TUBGCP3: variants seen among roughly 807,000 people sequenced by gnomAD.
TUBGCP3 encodes the protein tubulin gamma complex component 3, also known as gamma-tubulin complex component 3.
A neutral mutation model predicts 123.1 loss-of-function variants in TUBGCP3; 50 were observed. That is an observed-to-expected ratio of 0.41 (90% CI 0.32 to 0.51). The LOEUF is 0.51. Ranked by LOEUF, TUBGCP3 falls within the 20% of genes least tolerant of loss-of-function variation. TUBGCP3 has a pLI of 0.36. For missense variants in TUBGCP3, 882 were observed against 1,127.0 expected (o/e 0.78, Z 3.11); for synonymous variants, 405 against 413.9 (o/e 0.98, Z 0.26).
intron 2 of TUBGCP3, among the ~76,000 whole-genome samples, chr13:112,568,358 G>A (rs1349002819): frequency 2.6e-5 from 4 of 151,130 alleles, no homozygotes; most frequent in South Asian, 4.2e-4. Flanking sequence ...AAGGCCAAAT[G>A]GGCTTCTAGA....
intron 17 of TUBGCP3, among the ~76,000 whole-genome samples, chr13:112,510,216 T>C (rs1252754944): frequency 6.6e-6 from 1 of 152,150 alleles, no homozygotes; most frequent in Admixed American, 6.5e-5. Context: ...AACTTCAAGT[T>C]TGACTCAAAC....
chr13:112,575,317 TCAGA>T (rs937268574), intron 1 of TUBGCP3, among the ~76,000 whole-genome samples: 3 of 152,342 alleles, frequency 2.0e-5, no homozygotes, highest in East Asian at 3.9e-4. Flanking sequence ...TACATTTCTA[TCAGA>T]CAAAGTAAAC....
chr13:112,605,381 A>G, the TUBGCP3 span: 1 of 150,998 alleles, frequency 6.6e-6, no homozygotes, highest in Non-Finnish European at 1.5e-5. Flanking sequence ...GCCCATCTGT[A>G]AAGTCATGAA....
intron 2 of TUBGCP3, among the ~76,000 whole-genome samples, chr13:112,566,892 G>T (rs183833378): frequency 1.3e-5 from 2 of 152,272 alleles, no homozygotes; most frequent in East Asian, 3.9e-4. Flanking sequence ...TTTGCAATTT[G>T]TTTCAATATA....
At chr13:112,593,293 C>G in the TUBGCP3 span, among the ~76,000 whole-genome samples, 1 of 152,296 alleles carries the variant, frequency 6.6e-6, no homozygotes, top group South Asian at 2.1e-4. Flanking sequence ...TTGTACGCAC[C>G]TGTAATCCCA....
At chr13:112,521,788 G>A in intron 14 of TUBGCP3, 1 of 985,368 alleles carries the variant, frequency 1.0e-6, no homozygotes, top group Non-Finnish European at 1.2e-6. Flanking sequence ...GCCTGGGCCG[G>A]GGTCTGCACT....
chr13:112,519,747 T>C lies in TUBGCP3; in HGVS notation c.1881+139A>G. The C allele has an allele frequency of 8.8e-7, 1 of 1,140,072 alleles. No homozygotes were observed. Among genetic ancestry groups the C allele is most frequent in the Non-Finnish European group, 1.2e-6 (1 of 846,246 alleles). 70.6% of individuals were successfully genotyped at this position (1,140,072 alleles called of 1,614,324 possible). On this transcript the variant is annotated intron_variant, in intron 15 of 21. Coordinates refer to ENST00000261965, the MANE Select transcript of TUBGCP3 (RefSeq NM_006322.6). This position sits in a 1 kb window ranked among gnomAD's most constrained non-coding sequence, Gnocchi z 6.2. ...GCAGTAACAAGCCACAGAGTGGAGT[T>C]CCTACTCAGGCTGCCCAGTTTCCAG...
At chr13:112,489,557 G>T (rs776254140) in intron 21 of TUBGCP3, 24 bp downstream of exon 21, 8 of 1,501,536 alleles carry the variant, frequency 5.3e-6, no homozygotes, top group Middle Eastern at 3.4e-4. Flanking sequence ...GGTGTGAAGA[G>T]CCACTCTGTA....
At chr13:112,529,438 A>T (rs966736945) in intron 11 of TUBGCP3, among the ~76,000 whole-genome samples, 3 of 152,234 alleles carry the variant, frequency 2.0e-5, no homozygotes, top group Admixed American at 2.0e-4. Flanking sequence ...ACATTCTCCA[A>T]TGATGACCAA....
At chr13:112,515,522 C>T (rs367818196) in intron 17 of TUBGCP3, among the ~76,000 whole-genome samples, 1 of 152,222 alleles carries the variant, frequency 6.6e-6, no homozygotes, top group Non-Finnish European at 1.5e-5. Flanking sequence ...GAGCCCCAGG[C>T]GTGCATGCAG....
chr13:112,505,410 G>A (rs1199035269), intron 17 of TUBGCP3, among the ~76,000 whole-genome samples: 1 of 152,266 alleles, frequency 6.6e-6, no homozygotes, highest in Non-Finnish European at 1.5e-5. Context: ...GCTTGGACAT[G>A]TTTTGTTACT....
intron 20 of TUBGCP3, among the ~76,000 whole-genome samples, chr13:112,494,800 C>T (rs184000480): frequency 6.6e-6 from 1 of 152,212 alleles, no homozygotes; most frequent in Admixed American, 6.5e-5. Flanking sequence ...TAGTTTTGAT[C>T]TGCATTTCTT....
chr13:112,552,683 C>T (rs867814376), intron 8 of TUBGCP3, among the ~76,000 whole-genome samples: 2 of 152,190 alleles, frequency 1.3e-5, no homozygotes, highest in African/African-American at 4.8e-5. Context: ...AAACCAGAAC[C>T]CTGGGCTGCC....
chr13:112,526,114 A>G (rs1877041984), intron 13 of TUBGCP3, among the ~76,000 whole-genome samples: 1 of 152,028 alleles, frequency 6.6e-6, no homozygotes, highest in African/African-American at 2.4e-5. Flanking sequence ...CACAATTATC[A>G]TTGTCATTAC....
At chr13:112,590,604 G>A (rs192614493), upstream of TUBGCP3, among the ~76,000 whole-genome samples, 57 of 152,166 alleles carry the variant, frequency 3.7e-4, no homozygotes, top group East Asian at 0.011. Context: ...CAGCCTTGGC[G>A]GTAAGTAAAA....
chr13:112,547,457 G>C (rs1456855213), intron 10 of TUBGCP3, 163 bp downstream of exon 10: 1 of 1,199,624 alleles, frequency 8.3e-7, no homozygotes, highest in African/African-American at 1.5e-5. Context: ...AGCAAGCCTG[G>C]ATGGCGCACC....
chr13:112,544,278 C>T (rs1342174714), intron 11 of TUBGCP3, among the ~76,000 whole-genome samples: 1 of 151,870 alleles, frequency 6.6e-6, no homozygotes, highest in South Asian at 2.1e-4. Flanking sequence ...ACAGTGAAAC[C>T]CCGTCTCTAC....
At chr13:112,523,601 A>C (rs9324307) in intron 13 of TUBGCP3, among the ~76,000 whole-genome samples, 21,850 of 152,178 alleles carry the variant, frequency 0.14, 1,904 homozygotes, top group Non-Finnish European at 0.2. Flanking sequence ...TGATCTACGT[A>C]GTTTTAATGA....
At chr13:112,550,847 T>C (rs547305811) in intron 8 of TUBGCP3, among the ~76,000 whole-genome samples, 78 of 152,208 alleles carry the variant, frequency 5.1e-4, no homozygotes, top group East Asian at 9.7e-4. Flanking sequence ...GCCTGTAATC[T>C]CATCACTTTG....
Sources: allele counts gnomAD v4.1 joint callset (sites outside exome capture counted in the v4.1 genomes callset), GRCh38; gene constraint gnomAD v4.1.1; non-coding constraint Gnocchi (gnomAD v3.1); transcripts MANE v1.5; gene names NCBI Gene and HGNC (gene_info 2026-07-23, HGNC 2026-07-21).